The following SLC9A9 variants were observed in gnomAD, a reference collection of about 807,000 sequenced individuals.
SLC9A9 encodes sodium/hydrogen exchanger 9.
A neutral mutation model predicts 77.8 loss-of-function variants in SLC9A9; 62 were observed. The observed-to-expected ratio is 0.80, with a 90% CI of 0.65 to 0.98. The LOEUF (loss-of-function observed/expected upper bound fraction) is 0.98, where lower values mean the gene tolerates loss of function less well. SLC9A9 is among the 50% of genes least tolerant of loss of function. The pLI, the probability that SLC9A9 is intolerant of heterozygous loss-of-function variation, is 0.00. For missense variants in SLC9A9, 775 were observed against 774.9 expected (o/e 1.00, Z 0.00); for synonymous variants, 320 against 283.5 (o/e 1.13, Z -1.29).
intron 9 of SLC9A9, among the ~76,000 whole-genome samples, chr3:143,522,633 A>T (rs2036320693): frequency 6.6e-6 from 1 of 152,078 alleles, no homozygotes; most frequent in Admixed American, 6.6e-5. Flanking sequence ...ATTCCCACCA[A>T]ATATAAATAA....
At chr3:143,452,503 T>TA (rs58038873) in intron 12 of SLC9A9, among the ~76,000 whole-genome samples, 1,687 of 108,840 alleles carry the variant, frequency 0.015, 32 homozygotes, top group African/African-American at 0.051. Flanking sequence ...TTAAAAAGAC[T>TA]AAAAAAAAAA....
At chr3:143,726,111 T>C (rs1219784844) in intron 4 of SLC9A9, among the ~76,000 whole-genome samples, 3 of 151,736 alleles carry the variant, frequency 2.0e-5, no homozygotes, top group Non-Finnish European at 4.4e-5. Context: ...TAAAATTACT[T>C]TGAGAAATTA....
chr3:143,645,533 G>T (rs1299508160), intron 6 of SLC9A9, among the ~76,000 whole-genome samples: 1 of 152,082 alleles, frequency 6.6e-6, no homozygotes, highest in Non-Finnish European at 1.5e-5. Context: ...TCTCTTGAAC[G>T]GTTGGATGAT....
At chr3:143,468,262 G>A (rs1281916048) in intron 11 of SLC9A9, among the ~76,000 whole-genome samples, 1 of 152,184 alleles carries the variant, frequency 6.6e-6, no homozygotes, top group Non-Finnish European at 1.5e-5. Context: ...TTCCAGAGTG[G>A]CTGTAACATT....
intron 5 of SLC9A9, among the ~76,000 whole-genome samples, chr3:143,688,954 A>T (rs890531272): frequency 5.3e-5 from 8 of 151,448 alleles, no homozygotes; most frequent in African/African-American, 1.7e-4. Flanking sequence ...TATATATATA[A>T]TTTTTATTAT....
chr3:143,501,509 T>TA (rs1333119307), intron 9 of SLC9A9, among the ~76,000 whole-genome samples: 1 of 150,922 alleles, frequency 6.6e-6, no homozygotes, highest in African/African-American at 2.5e-5. Flanking sequence ...TTAAGCATAG[T>TA]AAAAATCTGC....
chr3:143,545,216 A>C (rs2036766487), intron 9 of SLC9A9, among the ~76,000 whole-genome samples: 1 of 152,118 alleles, frequency 6.6e-6, no homozygotes, highest in East Asian at 1.9e-4. Context: ...TCTGCGTGAC[A>C]ATATCCTAAT....
At chr3:143,267,171 A>G (rs1371668259) in intron 15 of SLC9A9, among the ~76,000 whole-genome samples, 1 of 152,058 alleles carries the variant, frequency 6.6e-6, no homozygotes, top group Non-Finnish European at 1.5e-5. Flanking sequence ...GTTAAAGAGC[A>G]TGGTACTTTC....
chr3:143,516,939 AT>A (rs1223026226), intron 9 of SLC9A9, among the ~76,000 whole-genome samples: 1 of 151,934 alleles, frequency 6.6e-6, no homozygotes, highest in Admixed American at 6.5e-5. Context: ...GCAACTTGAA[AT>A]TTTTTTCAGT....
At chr3:143,285,362 G>GA (rs1308880203) in intron 14 of SLC9A9, among the ~76,000 whole-genome samples, 1 of 152,134 alleles carries the variant, frequency 6.6e-6, no homozygotes, top group East Asian at 1.9e-4. Flanking sequence ...TACTTTACAT[G>GA]AAAAATCTCC....
At chr3:143,692,168 T>A (rs1042221480) in intron 5 of SLC9A9, among the ~76,000 whole-genome samples, 11 of 152,014 alleles carry the variant, frequency 7.2e-5, no homozygotes, top group Non-Finnish European at 1.5e-4. Flanking sequence ...TCTTTTTTTT[T>A]AAACAAATAA....
intron 4 of SLC9A9, among the ~76,000 whole-genome samples, chr3:143,758,976 G>A (rs2007023283): frequency 6.6e-6 from 1 of 152,038 alleles, no homozygotes; most frequent in African/African-American, 2.4e-5. Context: ...ATATTTATTA[G>A]TTATGTTCTT....
At chr3:143,598,453 T>C (rs2037794099) in intron 6 of SLC9A9, among the ~76,000 whole-genome samples, 2 of 152,222 alleles carry the variant, frequency 1.3e-5, no homozygotes, top group African/African-American at 4.8e-5. Flanking sequence ...CTCAGGACAC[T>C]AATGGAGGGT....
At chr3:143,272,687 A>AC (rs1280113005) in intron 14 of SLC9A9, among the ~76,000 whole-genome samples, 205 of 152,292 alleles carry the variant, frequency 1.3e-3, no homozygotes, top group African/African-American at 4.5e-3. Context: ...ATTAAAAAAA[A>AC]CCCAACGGCA....
intron 13 of SLC9A9, among the ~76,000 whole-genome samples, chr3:143,375,816 G>T (rs945210612): frequency 1.1e-4 from 16 of 152,122 alleles, no homozygotes; most frequent in African/African-American, 3.9e-4. Context: ...ACAGATAACT[G>T]ATCCTGCCTA....
At chr3:143,639,745 T>C (rs1177457350) in intron 6 of SLC9A9, among the ~76,000 whole-genome samples, 2 of 152,170 alleles carry the variant, frequency 1.3e-5, no homozygotes, top group Non-Finnish European at 2.9e-5. Context: ...AGGATAAACA[T>C]TTGACAACCT....
intron 14 of SLC9A9, among the ~76,000 whole-genome samples, chr3:143,334,477 G>A (rs940790851): frequency 6.6e-6 from 1 of 152,194 alleles, no homozygotes. Context: ...TAGGAGTGTG[G>A]ACTCTGAAGT....
intron 8 of SLC9A9, among the ~76,000 whole-genome samples, chr3:143,560,221 A>G (rs2037057394): frequency 6.6e-6 from 1 of 152,192 alleles, no homozygotes; most frequent in Admixed American, 6.5e-5. Flanking sequence ...TTATACTATT[A>G]GGGGATGTCC....
rs113634332 is a variant in SLC9A9 at position 143,469,206 on chromosome 3, C to T, written c.1316-2016G>A. On this transcript the variant is annotated intron_variant, in intron 11 of 15. Coordinates refer to ENST00000316549, the MANE Select transcript of SLC9A9 (RefSeq NM_173653.4). ...AAAAACAAATACTAGAACTTGAAATCGAAACGTGATGACACTAATAAAAAT... is the reference window on the plus strand; with the variant it reads ...AAAAACAAATACTAGAACTTGAAATTGAAACGTGATGACACTAATAAAAAT... Among the ~76,000 whole-genome samples, 1,505 of 151,960 alleles carry T rather than the reference C, an allele frequency of 9.9e-3. 22 individuals carry two copies. Among genetic ancestry groups the T allele is most frequent in the African/African-American group, 0.033 (1,376 of 41,444 alleles).
Sources: gnomAD v4.1 joint callset for allele counts (sites outside exome capture counted in the v4.1 genomes callset) on GRCh38, gnomAD v4.1.1 for gene constraint, MANE v1.5 for transcripts, NCBI Gene and HGNC (gene_info 2026-07-23, HGNC 2026-07-21) for gene names.